Variants in NRG4 observed in about 807,000 individuals in gnomAD.
NRG4 encodes pro-neuregulin-4, membrane-bound isoform.
A neutral mutation model predicts 15.0 loss-of-function variants in NRG4; 10 were observed. The ratio of observed to expected loss-of-function variants is 0.67; its 90% CI spans 0.41 to 1.13. The LOEUF is 1.13. Among genes scored for constraint, NRG4 ranks in the 50% most tolerant of loss-of-function variants. NRG4 has a pLI of 0.00. For missense variants in NRG4, 139 were observed against 140.2 expected (o/e 0.99, Z 0.04); for synonymous variants, 41 against 50.1 (o/e 0.82, Z 0.77).
At chr15:76,023,862 G>A (rs1328962241) in intron 5 of NRG4, among the ~76,000 whole-genome samples, 1 of 152,160 alleles carries the variant, frequency 6.6e-6, no homozygotes. Context: ...CCTACCCAGG[G>A]TGAACCCGCT....
rs116202704 is a variant in NRG4, at chr15:75,946,328, A to G, written c.332-2674T>C. Among the ~76,000 whole-genome samples the G allele has an allele frequency of 4.1e-3, 628 of 152,332 alleles. 12 individuals carry two copies. The highest frequency in any genetic ancestry group is 0.014 in the African/African-American group (593 of 41,566). ...TACATTTACATTGTGTGCAACCATC[A>G]CACCATCTCCAGAACTTTTTGTTTG... On this transcript the variant is annotated intron_variant, in intron 5 of 5. Coordinates refer to ENST00000394907, the MANE Select transcript of NRG4 (RefSeq NM_138573.4).
intron 5 of NRG4, chr15:75,950,571 C>T (rs568461024): frequency 6.1e-5 from 15 of 245,782 alleles, no homozygotes; most frequent in Middle Eastern, 5.3e-4. Context: ...CAATTACCTC[C>T]GTTGTTTCCA....
chr15:75,960,947 A>G (rs1212805375), intron 4 of NRG4, among the ~76,000 whole-genome samples: 3 of 152,178 alleles, frequency 2.0e-5, no homozygotes, highest in Non-Finnish European at 1.5e-5. Flanking sequence ...TAAAAAGCCA[A>G]TTTCCTCCAA....
chr15:75,955,880 C>T, intron 5 of NRG4, 52 bp downstream of exon 5: 1 of 1,002,956 alleles, frequency 1.0e-6, no homozygotes, highest in Non-Finnish European at 1.6e-6. Context: ...CATCTAACAA[C>T]AACAGTCTCA....
At position 75,941,320 on chromosome 15, in the gene NRG4, T is replaced by C. The variant is rs981697479; in HGVS notation, c.*2318A>G. 6.6e-6 allele frequency: 1 copy of C among 152,204 alleles called. No homozygotes were observed. Among genetic ancestry groups the C allele is most frequent in the African/African-American group, 2.4e-5 (1 of 41,450 alleles). 9.4% of individuals were successfully genotyped at this position (152,204 alleles called of 1,614,324 possible). A position where few individuals can be genotyped will look rare whatever the true frequency, so the allele number is the denominator to read the frequency against. ...GGATGTGGAGAAATTGGAACTCTTA[T>C]TACTGATGGAAATATAGTGGTATGC... On this transcript the variant is annotated 3_prime_UTR_variant, in exon 6 of 6. Transcript: ENST00000394907.
chr15:76,001,669 T>C (rs1174875156), intron 3 of NRG4, among the ~76,000 whole-genome samples: 3 of 152,228 alleles, frequency 2.0e-5, no homozygotes, highest in Non-Finnish European at 1.5e-5. Flanking sequence ...TACGCATTTG[T>C]ATTTCCTTGA....
chr15:76,025,311 C>T (rs191475554), intron 5 of NRG4, among the ~76,000 whole-genome samples: 21 of 152,090 alleles, frequency 1.4e-4, no homozygotes, highest in East Asian at 9.7e-4. Context: ...TGGTGGCGGG[C>T]GCTTGTAGTC....
chr15:75,951,352 G>A (rs143522098), intron 5 of NRG4, among the ~76,000 whole-genome samples: 1 of 151,660 alleles, frequency 6.6e-6, no homozygotes, highest in African/African-American at 2.4e-5. Context: ...ATTTTTAGTA[G>A]AGACAGGGTT....
intron 2 of NRG4, among the ~76,000 whole-genome samples, chr15:76,055,015 C>T (rs1041378495): frequency 7.3e-6 from 1 of 136,710 alleles, no homozygotes; most frequent in South Asian, 2.8e-4. Flanking sequence ...CACAGTGGCT[C>T]ATGCCTATAA....
intron 3 of NRG4, among the ~76,000 whole-genome samples, chr15:75,969,606 G>T (rs2141829907): frequency 6.6e-6 from 1 of 152,298 alleles, no homozygotes; most frequent in Admixed American, 6.5e-5. Flanking sequence ...TAAGAGAGCA[G>T]GTACGTTCCC....
intron 4 of NRG4, among the ~76,000 whole-genome samples, chr15:75,958,399 T>A (rs570859431): frequency 6.6e-6 from 1 of 152,324 alleles, no homozygotes; most frequent in South Asian, 2.1e-4. Context: ...TTTCTGAATA[T>A]CTTACCCTAC....
intron 2 of NRG4, 97 bp downstream of exon 2, chr15:76,011,119 TGGAAG>T (rs1445018656): frequency 1.0e-6 from 1 of 1,001,054 alleles, no homozygotes; most frequent in Non-Finnish European, 1.4e-6. Context: ...CCAATGATGT[TGGAAG>T]GGAATAATAC....
intron 4 of NRG4, among the ~76,000 whole-genome samples, chr15:76,044,037 C>T (rs951780109): frequency 1.1e-4 from 17 of 152,190 alleles, no homozygotes; most frequent in South Asian, 1.0e-3. Context: ...GTCGCCCAGG[C>T]GGGACTGCGG....
At chr15:76,018,722 CGCCAGATGCCG>C (rs1481901293) in intron 5 of NRG4, among the ~76,000 whole-genome samples, 1 of 152,166 alleles carries the variant, frequency 6.6e-6, no homozygotes, top group Non-Finnish European at 1.5e-5. Flanking sequence ...GAGGGGCATC[CGCCAGATGCCG>C]GCTGGAGCTC....
chr15:75,965,040 A>G (rs896283032), intron 3 of NRG4, among the ~76,000 whole-genome samples: 1 of 152,126 alleles, frequency 6.6e-6, no homozygotes, highest in Non-Finnish European at 1.5e-5. Context: ...CCTAGCTAAC[A>G]TGGTGAAACC....
chr15:75,953,705 T>A (rs921251834), intron 5 of NRG4, among the ~76,000 whole-genome samples: 1 of 152,196 alleles, frequency 6.6e-6, no homozygotes, highest in Non-Finnish European at 1.5e-5. Flanking sequence ...TTGATTATGA[T>A]GTGTCTTGGT....
intron 3 of NRG4, among the ~76,000 whole-genome samples, chr15:75,992,129 A>C (rs1210370857): frequency 6.6e-6 from 1 of 152,130 alleles, no homozygotes; most frequent in Non-Finnish European, 1.5e-5. Flanking sequence ...TTTTACAACT[A>C]TATTGTTCCC....
intron 2 of NRG4, among the ~76,000 whole-genome samples, chr15:76,054,526 G>A (rs2036105411): frequency 3.3e-5 from 5 of 151,902 alleles, no homozygotes; most frequent in Admixed American, 3.3e-4. Flanking sequence ...GCGATTCTCT[G>A]GCCTCAGCCT....
At chr15:75,969,529 G>T (rs982150202) in intron 3 of NRG4, among the ~76,000 whole-genome samples, 1 of 152,148 alleles carries the variant, frequency 6.6e-6, no homozygotes. Flanking sequence ...AGTTCTGAAA[G>T]GTAGTTTCTA....
Sources: gnomAD v4.1 joint callset for allele counts (sites outside exome capture counted in the v4.1 genomes callset) on GRCh38, gnomAD v4.1.1 for gene constraint, MANE v1.5 for transcripts, NCBI Gene and HGNC (gene_info 2026-07-23, HGNC 2026-07-21) for gene names.